SERPINB7: variants seen among roughly 807,000 people sequenced by gnomAD.
SERPINB7 encodes serpin family B member 7.
Under a neutral mutation model 37.4 loss-of-function variants are expected in SERPINB7, and 31 were observed. The observed-to-expected ratio is 0.83, with a 90% CI of 0.62 to 1.12. SERPINB7 has a LOEUF of 1.12. Ranked by LOEUF, SERPINB7 falls within the 50% of genes most tolerant of loss-of-function variation. SERPINB7 has a pLI of 0.00. For missense variants in SERPINB7, 521 were observed against 455.3 expected (o/e 1.14, Z -1.31); for synonymous variants, 163 against 166.1 (o/e 0.98, Z 0.14).
chr18:63,798,810 T>C, intron 6 of SERPINB7, 64 bp downstream of exon 6: 3 of 1,518,522 alleles, frequency 2.0e-6, no homozygotes, highest in Admixed American at 1.8e-5. Context: ...TGCAGGACTG[T>C]GATAGTTACA....
rs55971632 is a variant in SERPINB7, at chr18:63,786,142, T to TACACAC, written c.168+3621_168+3626dup. Among the ~76,000 whole-genome samples the TACACAC allele has an allele frequency of 2.1e-3, 97 of 45,980 alleles. 12 individuals are homozygous for TACACAC. Among genetic ancestry groups the TACACAC allele is most frequent in the African/African-American group, 5.5e-3 (86 of 15,736 alleles). The allele number at this position is 45,980 out of a possible 152,430, so 30.2% of individuals were successfully genotyped here. A position where few individuals can be genotyped will look rare whatever the true frequency, so the allele number is the denominator to read the frequency against. ...GTATATATATACGTATATACATATA[T>TACACAC]ACACACACACACACACACACACACC... On this transcript the variant is annotated intron_variant, in intron 2 of 7. Transcript: ENST00000398019.
intron 1 of SERPINB7, among the ~76,000 whole-genome samples, chr18:63,762,883 A>C (rs948145118): frequency 2.0e-5 from 3 of 152,216 alleles, no homozygotes; most frequent in African/African-American, 7.2e-5. Flanking sequence ...ATATAACAAG[A>C]TAATATTTTA....
At chr18:63,801,481 G>T (rs2049548706) in intron 7 of SERPINB7, among the ~76,000 whole-genome samples, 1 of 152,158 alleles carries the variant, frequency 6.6e-6, no homozygotes, top group Admixed American at 6.6e-5. Flanking sequence ...AATTCACTGA[G>T]GGCACAGCAT....
At chr18:63,780,051 T>C (rs902249193) in intron 1 of SERPINB7, among the ~76,000 whole-genome samples, 2 of 152,190 alleles carry the variant, frequency 1.3e-5, no homozygotes, top group African/African-American at 4.8e-5. Flanking sequence ...TCAGGTCTTA[T>C]TTTAAAAACT....
At chr18:63,753,720 G>A (rs1035719165) in intron 1 of SERPINB7, among the ~76,000 whole-genome samples, 1 of 152,100 alleles carries the variant, frequency 6.6e-6, no homozygotes, top group African/African-American at 2.4e-5. Flanking sequence ...GACATTCCTT[G>A]TTGATTATAA....
chr18:63,788,959 C>T (rs2049399555), intron 2 of SERPINB7, among the ~76,000 whole-genome samples: 1 of 152,136 alleles, frequency 6.6e-6, no homozygotes, highest in East Asian at 1.9e-4. Context: ...ATCACCTAAC[C>T]ATACATTTCT....
chr18:63,800,892 G>T lies in SERPINB7; in HGVS notation c.624G>T (p.Met208Ile), dbSNP rs753371743. The T allele has an allele frequency of 1.2e-6, 2 of 1,613,876 alleles. No individual in the cohort carries two copies. Among genetic ancestry groups the T allele is most frequent in the East Asian group, 2.2e-5 (1 of 44,866 alleles). ...GCTCTGGGAAGGCAGTCGCCATGATGCATCAGGAACGGAAGTTCAATTTGT... is the reference window on the plus strand; with the variant it reads ...GCTCTGGGAAGGCAGTCGCCATGATTCATCAGGAACGGAAGTTCAATTTGT... ...PKCSGKAVAM[M>I]HQERKFNLSV... Residue 208 changes from methionine to isoleucine, a missense_variant, in exon 7 of 8, where the codon ATG becomes ATT. Coordinates refer to ENST00000398019, the MANE Select transcript of SERPINB7 (RefSeq NM_003784.4).
chr18:63,804,161 T>TAC, intron 7 of SERPINB7, 76 bp from the exon 8 acceptor site: 1 of 1,074,672 alleles, frequency 9.3e-7, no homozygotes, highest in Non-Finnish European at 1.3e-6. Context: ...TATAGAAAAC[T>TAC]ATGTATCTCT....
intron 1 of SERPINB7, among the ~76,000 whole-genome samples, chr18:63,769,337 ACTAT>A (rs57182233): frequency 0.057 from 8,606 of 152,002 alleles, 542 homozygotes; most frequent in African/African-American, 0.15. Context: ...ATTTGCTATT[ACTAT>A]CTATTTTCTA....
At chr18:63,765,866 T>C (rs1461315601) in intron 1 of SERPINB7, among the ~76,000 whole-genome samples, 1 of 152,102 alleles carries the variant, frequency 6.6e-6, no homozygotes, top group Non-Finnish European at 1.5e-5. Flanking sequence ...ATTTGACAGG[T>C]TTCAAGCAGC....
At chr18:63,753,543 A>T (rs1254150974) in intron 1 of SERPINB7, among the ~76,000 whole-genome samples, 1 of 152,180 alleles carries the variant, frequency 6.6e-6, no homozygotes, top group African/African-American at 2.4e-5. Context: ...GGTGTCACAG[A>T]CCTACTGATT....
intron 6 of SERPINB7, among the ~76,000 whole-genome samples, chr18:63,799,215 G>A (rs2049521459): frequency 6.6e-6 from 1 of 152,190 alleles, no homozygotes; most frequent in Admixed American, 6.5e-5. Context: ...CAAGCCATAT[G>A]TATTTCTTCA....
intron 2 of SERPINB7, among the ~76,000 whole-genome samples, chr18:63,784,932 C>A (rs924840728): frequency 5.3e-5 from 8 of 152,164 alleles, no homozygotes; most frequent in Admixed American, 6.5e-5. Context: ...AGTCTCCTTG[C>A]CCTGCACCTC....
At chr18:63,761,835 C>G (rs949143264) in intron 1 of SERPINB7, among the ~76,000 whole-genome samples, 3 of 152,016 alleles carry the variant, frequency 2.0e-5, no homozygotes, top group Non-Finnish European at 4.4e-5. Flanking sequence ...TTCAATTAAA[C>G]TTTTTTTTCT....
chr18:63,793,798 G>A, intron 4 of SERPINB7, among the ~76,000 whole-genome samples: 1 of 152,064 alleles, frequency 6.6e-6, no homozygotes, highest in East Asian at 1.9e-4. Flanking sequence ...ATCTTGCCTG[G>A]CCAAATTTTA....
In SERPINB7 at chr18:63,804,427, C is replaced by CG; in HGVS notation, c.941dup (p.Arg315SerfsTer17). On this transcript the variant is annotated frameshift_variant, in exon 8 of 8. Transcript: ENST00000398019. LOFTEE classifies it high-confidence loss of function. ...AAAGCAGATCTCTCTGGGATTGCTT[C>CG]GGGGGGTCGTCTGTATATATCAAGG... 4 of 1,613,650 alleles carry CG rather than the reference C, an allele frequency of 2.5e-6. No homozygotes were observed. The highest frequency in any genetic ancestry group is 3.4e-6 in the Non-Finnish European group (4 of 1,179,784).
chr18:63,793,917 T>C (rs1286785040), intron 4 of SERPINB7, among the ~76,000 whole-genome samples: 2 of 151,796 alleles, frequency 1.3e-5, no homozygotes, highest in Non-Finnish European at 2.9e-5. Context: ...TATAAATGCT[T>C]AGTGGCTTCT....
intron 4 of SERPINB7, 64 bp downstream of exon 4, chr18:63,793,341 C>A: frequency 1.2e-6 from 1 of 842,526 alleles, no homozygotes; most frequent in Non-Finnish European, 1.9e-6. Context: ...TGAACAAAGG[C>A]TTGTGTCTTT....
chr18:63,791,828 T>A (rs1379297014), intron 2 of SERPINB7, among the ~76,000 whole-genome samples: 1 of 152,128 alleles, frequency 6.6e-6, no homozygotes, highest in Admixed American at 6.5e-5. Context: ...GCCAGGATGG[T>A]CTCGATCTCC....
Sources: allele counts gnomAD v4.1 joint callset (sites outside exome capture counted in the v4.1 genomes callset), GRCh38; gene constraint gnomAD v4.1.1; transcripts MANE v1.5; gene names NCBI Gene and HGNC (gene_info 2026-07-23, HGNC 2026-07-21).